Variants in EXPH5 observed in about 807,000 individuals in gnomAD.
The protein encoded by EXPH5 is exophilin 5.
A neutral mutation model predicts 41.1 loss-of-function variants in EXPH5; 42 were observed. That is an observed-to-expected ratio of 1.02 (90% CI 0.80 to 1.32). The LOEUF (loss-of-function observed/expected upper bound fraction) is 1.32, where lower values mean the gene tolerates loss of function less well. Ranked by LOEUF, EXPH5 falls within the 40% of genes most tolerant of loss-of-function variation. EXPH5 has a pLI of 0.00. For missense variants in EXPH5, 2,298 were observed against 2,314.5 expected (o/e 0.99, Z 0.15); for synonymous variants, 798 against 833.5 (o/e 0.96, Z 0.73).
intron 1 of EXPH5, among the ~76,000 whole-genome samples, chr11:108,579,394 G>A (rs1020511176): frequency 1.3e-5 from 2 of 151,986 alleles, no homozygotes; most frequent in South Asian, 2.1e-4. Flanking sequence ...CCATTTTAAC[G>A]TGTTGTTGAA....
chr11:108,575,998 TG>T (rs2094078553), intron 1 of EXPH5, among the ~76,000 whole-genome samples: 1 of 152,016 alleles, frequency 6.6e-6, no homozygotes, highest in Non-Finnish European at 1.5e-5. Flanking sequence ...TAAAATGACA[TG>T]GGGGTAACAG....
At chr11:108,591,487 G>A (rs777138808) in intron 1 of EXPH5, among the ~76,000 whole-genome samples, 7 of 152,146 alleles carry the variant, frequency 4.6e-5, no homozygotes, top group Non-Finnish European at 8.8e-5. Context: ...ATTGCCTTGG[G>A]TATTTGGTCC....
intron 1 of EXPH5, among the ~76,000 whole-genome samples, chr11:108,589,047 G>A (rs545809135): frequency 6.6e-6 from 1 of 152,324 alleles, no homozygotes; most frequent in East Asian, 1.9e-4. Context: ...GCACACTTGT[G>A]ACTTCCAGGC....
chr11:108,574,288 A>G (rs2094072831), intron 1 of EXPH5, among the ~76,000 whole-genome samples: 2 of 151,850 alleles, frequency 1.3e-5, no homozygotes, highest in African/African-American at 4.8e-5. Flanking sequence ...CTAAGGCGGG[A>G]GATCACTTGA....
intron 3 of EXPH5, among the ~76,000 whole-genome samples, chr11:108,532,444 C>T (rs1328791611): frequency 4.5e-5 from 6 of 132,540 alleles, no homozygotes; most frequent in South Asian, 5.1e-4. Context: ...TGAACTCCTG[C>T]GCTCAAGTGA....
chr11:108,601,465 C>G, the EXPH5 span, among the ~76,000 whole-genome samples: 2 of 152,170 alleles, frequency 1.3e-5, no homozygotes, highest in Admixed American at 6.5e-5. Context: ...TAGGTACAAT[C>G]CAAGCTTGTA....
At chr11:108,588,841 T>C (rs1215652841) in intron 1 of EXPH5, among the ~76,000 whole-genome samples, 1 of 152,242 alleles carries the variant, frequency 6.6e-6, no homozygotes, top group Admixed American at 6.5e-5. Flanking sequence ...ATTATTATAG[T>C]AGTTCTGTGT....
At chr11:108,532,350 ATATATATATATATATATTTTTTTT>A (rs2093844548) in intron 3 of EXPH5, among the ~76,000 whole-genome samples, 1 of 7,456 alleles carries the variant, frequency 1.3e-4, no homozygotes, top group Admixed American at 1.7e-3. Context: ...ATATATATAT[ATATATATATATATATATTTTTTTT>A]TTTTTTTTTT....
At position 108,514,639 on chromosome 11, in the gene EXPH5, T is replaced by C. The variant is rs2093711083; in HGVS notation, c.868A>G (p.Arg290Gly). Residue 290 changes from arginine to glycine, a missense_variant, in exon 6 of 6, where the codon AGG becomes GGG. By Grantham distance (125) the Arg-to-Gly change is moderately radical (BLOSUM62 -2). Transcript: ENST00000265843. Reference sequence around the variant, plus strand: ...TACATATCATAAATTGTGCTTGTCCTAGGAGAAAAGGTTTTAAAACCTTCC... The same window carrying C: ...TACATATCATAAATTGTGCTTGTCCCAGGAGAAAAGGTTTTAAAACCTTCC... ...PREGFKTFSP[R>G]TSTIYDMYRT... The C allele has an allele frequency of 1.9e-6, 3 of 1,607,238 alleles. No homozygotes were observed. The highest frequency in any genetic ancestry group is 1.7e-6 in the Non-Finnish European group (2 of 1,177,680).
chr11:108,513,511 T>G lies in EXPH5; in HGVS notation c.1996A>C (p.Met666Leu). ...IFPNKPASHPMRSHTEVTVTS... is the reference protein window; with the variant it reads ...IFPNKPASHPLRSHTEVTVTS... Reference sequence around the variant, plus strand: ...ACAGTGACTTCTGTATGGCTTCTCATTGGATGAGAGGCAGGCTTATTTGGA... The same window carrying G: ...ACAGTGACTTCTGTATGGCTTCTCAGTGGATGAGAGGCAGGCTTATTTGGA... The change falls in exon 6 of 6, where the codon ATG becomes CTG. Residue 666 changes from methionine (M) to leucine (L), a missense_variant. Transcript: ENST00000265843. The G allele has an allele frequency of 1.2e-6, 2 of 1,614,174 alleles. No individual in the cohort carries two copies. The highest frequency in any genetic ancestry group is 1.7e-6 in the Non-Finnish European group (2 of 1,180,022).
chr11:108,597,575 C>A (rs1401787204), upstream of EXPH5, among the ~76,000 whole-genome samples: 1 of 152,144 alleles, frequency 6.6e-6, no homozygotes, highest in East Asian at 1.9e-4. Context: ...ACTTGGTAAT[C>A]CTTTAGAAAG....
intron 1 of EXPH5, among the ~76,000 whole-genome samples, chr11:108,565,744 G>C (rs1157630851): frequency 6.6e-6 from 1 of 152,178 alleles, no homozygotes; most frequent in Non-Finnish European, 1.5e-5. Flanking sequence ...TTCCTCATCT[G>C]TAAAGCTCAG....
At chr11:108,562,958 C>T (rs149967621) in intron 1 of EXPH5, among the ~76,000 whole-genome samples, 1 of 152,170 alleles carries the variant, frequency 6.6e-6, no homozygotes, top group Non-Finnish European at 1.5e-5. Context: ...AGCATGAAAG[C>T]AAGAGATTCA....
chr11:108,510,869 C>T lies in EXPH5; in HGVS notation c.4638G>A (p.Glu1546=). ...EPRELPQRSQ[E]ANMTESRKAE... ...CCTTCCTGCTCTCTGTCATATTTGC[C>T]TCCTGACTTCTTTGAGGTAATTCTC... Residue 1546 remains glutamate (E), a synonymous_variant, in exon 6 of 6, where the codon GAG becomes GAA. Transcript: ENST00000265843. 2 of 1,614,170 alleles carry T rather than the reference C, an allele frequency of 1.2e-6. No individual in the cohort carries two copies. The highest frequency in any genetic ancestry group is 1.7e-6 in the Non-Finnish European group (2 of 1,180,032).
chr11:108,574,429 G>T lies in EXPH5; in HGVS notation c.119+18989C>A, dbSNP rs189287973. ...GGTACATTTGGCTACATAAAACTGA[G>T]AAAAAATCTATTTTCAGATAAAGAG... On this transcript the variant is annotated intron_variant, in intron 1 of 5. Coordinates refer to ENST00000265843, the MANE Select transcript of EXPH5 (RefSeq NM_015065.3). Among the ~76,000 whole-genome samples, 10 of 151,322 alleles carry T rather than the reference G, an allele frequency of 6.6e-5. No homozygotes were observed. The East Asian group carries it at 1.5e-3, about 23-fold the overall frequency.
intron 1 of EXPH5, among the ~76,000 whole-genome samples, chr11:108,553,743 T>A (rs17620252): frequency 0.08 from 12,149 of 152,316 alleles, 596 homozygotes; most frequent in Middle Eastern, 0.11. Context: ...ATAAATGAGT[T>A]CTACCAACTT....
chr11:108,518,562 A>G (rs2093742904), intron 4 of EXPH5, among the ~76,000 whole-genome samples, 189 bp from the exon 5 acceptor site: 1 of 152,206 alleles, frequency 6.6e-6, no homozygotes, highest in South Asian at 2.1e-4. Context: ...CAACTTCTCT[A>G]TACCTACATT....
intron 1 of EXPH5, among the ~76,000 whole-genome samples, chr11:108,547,870 GA>G (rs1280154065): frequency 6.6e-6 from 1 of 152,028 alleles, no homozygotes; most frequent in Non-Finnish European, 1.5e-5. Flanking sequence ...AGCACTTTGG[GA>G]GGCCAAGGCA....
chr11:108,535,037 A>C (rs936809100), intron 3 of EXPH5, among the ~76,000 whole-genome samples: 2 of 152,226 alleles, frequency 1.3e-5, no homozygotes, highest in Non-Finnish European at 2.9e-5. Flanking sequence ...AGAGTGGGAC[A>C]GAAGCTTGAT....
Sources: gnomAD v4.1 joint callset for allele counts (sites outside exome capture counted in the v4.1 genomes callset) on GRCh38, gnomAD v4.1.1 for gene constraint, MANE v1.5 for transcripts, NCBI Gene and HGNC (gene_info 2026-07-23, HGNC 2026-07-21) for gene names.